The following DSCAM variants were observed in gnomAD, a reference collection of about 807,000 sequenced individuals.
The protein encoded by DSCAM is cell adhesion molecule DSCAM.
A neutral mutation model predicts 217.7 loss-of-function variants in DSCAM; 47 were observed. The observed-to-expected ratio is 0.22, with a 90% CI of 0.17 to 0.28. The LOEUF (loss-of-function observed/expected upper bound fraction) is 0.28, where lower values mean the gene tolerates loss of function less well. Ranked by LOEUF, DSCAM falls within the 10% of genes least tolerant of loss-of-function variation. The pLI is 1.00. For synonymous variants in DSCAM, 1,056 were observed against 1,015.3 expected, an observed-to-expected ratio of 1.04 and a Z score of -0.76; for missense variants, 2,080 against 2,618.3, an observed-to-expected ratio of 0.79 and a Z score of 4.49.
intron 7 of DSCAM, among the ~76,000 whole-genome samples, chr21:40,338,607 A>G (rs571677073): frequency 1.1e-3 from 166 of 152,358 alleles, no homozygotes; most frequent in African/African-American, 3.8e-3. Context: ...TTCTATGAAA[A>G]TGTTTTGAAT....
chr21:40,395,778 T>A (rs2075173428), intron 3 of DSCAM, among the ~76,000 whole-genome samples: 1 of 152,198 alleles, frequency 6.6e-6, no homozygotes, highest in Non-Finnish European at 1.5e-5. Context: ...TAAATTTATT[T>A]TCTATTTGGC....
At chr21:40,481,833 T>A (rs10854403) in intron 3 of DSCAM, among the ~76,000 whole-genome samples, 71,136 of 151,976 alleles carry the variant, frequency 0.47, 16,769 homozygotes, top group Admixed American at 0.49. Context: ...CAACCCGGAG[T>A]GGCAGACAGG....
At chr21:40,400,303 T>C (rs1471652519) in intron 3 of DSCAM, among the ~76,000 whole-genome samples, 1 of 152,106 alleles carries the variant, frequency 6.6e-6, no homozygotes, top group Non-Finnish European at 1.5e-5. Context: ...ATGAAAACAT[T>C]GTATTTTCCA....
chr21:40,554,824 G>A (rs555728739), intron 3 of DSCAM, among the ~76,000 whole-genome samples: 162 of 135,390 alleles, frequency 1.2e-3, no homozygotes, highest in Non-Finnish European at 2.0e-3. Context: ...TTGTTTTTAC[G>A]TTTTTGTAAC....
intron 3 of DSCAM, among the ~76,000 whole-genome samples, chr21:40,557,570 C>T (rs578052485): frequency 2.6e-5 from 4 of 152,202 alleles, no homozygotes; most frequent in Admixed American, 2.0e-4. Flanking sequence ...CTCCTGACCT[C>T]GTGATCTGCC....
intron 3 of DSCAM, among the ~76,000 whole-genome samples, chr21:40,511,649 T>C (rs898108878): frequency 1.7e-4 from 26 of 152,138 alleles, no homozygotes; most frequent in Non-Finnish European, 3.7e-4. Flanking sequence ...AGTAAAACAC[T>C]CTCTTTGCAC....
chr21:40,095,999 A>G (rs2089670868), intron 20 of DSCAM, among the ~76,000 whole-genome samples: 1 of 152,214 alleles, frequency 6.6e-6, no homozygotes, highest in Non-Finnish European at 1.5e-5. Context: ...AAGGTGTGGA[A>G]GGAAAATAAA....
intron 3 of DSCAM, among the ~76,000 whole-genome samples, chr21:40,487,334 A>T (rs919238774): frequency 9.3e-4 from 127 of 135,924 alleles, no homozygotes; most frequent in African/African-American, 3.3e-3. Flanking sequence ...TGTGAGAGAG[A>T]GAGAGAGAGA....
chr21:40,316,031 A>G (rs1420558872), intron 8 of DSCAM, among the ~76,000 whole-genome samples: 2 of 152,258 alleles, frequency 1.3e-5, no homozygotes, highest in Non-Finnish European at 2.9e-5. Context: ...TAATTAATAC[A>G]AAATCGTAAT....
At chr21:40,650,900 C>A (rs1053413939) in intron 3 of DSCAM, among the ~76,000 whole-genome samples, 2 of 152,098 alleles carry the variant, frequency 1.3e-5, no homozygotes, top group Non-Finnish European at 2.9e-5. Flanking sequence ...GGCGACAGAG[C>A]AAGACTCCAT....
intron 1 of DSCAM, among the ~76,000 whole-genome samples, chr21:40,723,329 T>A (rs934825929): frequency 1.1e-4 from 16 of 152,134 alleles, no homozygotes; most frequent in African/African-American, 3.9e-4. Context: ...CTGGAACACT[T>A]CACCCTCCTT....
chr21:40,814,041 G>C (rs1402382732), intron 1 of DSCAM, among the ~76,000 whole-genome samples: 1 of 152,164 alleles, frequency 6.6e-6, no homozygotes, highest in East Asian at 1.9e-4. Context: ...CAGTTTTCCA[G>C]TGGTCATCAA....
intron 11 of DSCAM, among the ~76,000 whole-genome samples, chr21:40,196,724 T>C (rs534543274): frequency 1.3e-5 from 2 of 152,118 alleles, no homozygotes; most frequent in Non-Finnish European, 1.5e-5. Flanking sequence ...TTTTTCTGTT[T>C]TCTCCTTCAC....
intron 3 of DSCAM, among the ~76,000 whole-genome samples, chr21:40,403,128 G>A (rs1027093197): frequency 6.6e-6 from 1 of 152,058 alleles, no homozygotes; most frequent in Non-Finnish European, 1.5e-5. Context: ...TGCTTAACAC[G>A]CTCAATGATG....
chr21:40,662,269 C>G (rs1446751277), intron 3 of DSCAM, among the ~76,000 whole-genome samples: 2 of 152,054 alleles, frequency 1.3e-5, no homozygotes, highest in Non-Finnish European at 1.5e-5. Context: ...CTTTTACCTT[C>G]AGTTCTCTAC....
At chr21:40,147,123 G>A (rs1304089803) in intron 16 of DSCAM, among the ~76,000 whole-genome samples, 4 of 152,070 alleles carry the variant, frequency 2.6e-5, no homozygotes, top group East Asian at 1.9e-4. Context: ...ACTGGCTCCC[G>A]GTGAGGCTTT....
chr21:40,594,163 A>T (rs2077003856), intron 3 of DSCAM, among the ~76,000 whole-genome samples: 1 of 152,192 alleles, frequency 6.6e-6, no homozygotes, highest in African/African-American at 2.4e-5. Flanking sequence ...CTCAAAACTT[A>T]TTGGGATAAA....
chr21:40,188,785 C>CTTTT lies in DSCAM; in HGVS notation c.2553+253_2553+256dup, dbSNP rs35605811. Among the ~76,000 whole-genome samples the CTTTT allele has an allele frequency of 9.3e-3, 1,323 of 141,506 alleles. 30 individuals carry two copies. The highest frequency in any genetic ancestry group is 0.032 in the African/African-American group (1,219 of 38,116). 92.8% of individuals were successfully genotyped at this position (141,506 alleles called of 152,430 possible). A position where few individuals can be genotyped will look rare whatever the true frequency, so the allele number is the denominator to read the frequency against. ...TGTCATTTAAAAACCTTATTTCTCA[C>CTTTT]TTTTTTTTTTTTTTTTTACTACATT... On this transcript the variant is annotated intron_variant, in intron 12 of 32. Transcript: ENST00000400454.
intron 3 of DSCAM, among the ~76,000 whole-genome samples, chr21:40,376,352 A>T (rs1189474276): frequency 6.6e-6 from 1 of 150,946 alleles, no homozygotes; most frequent in African/African-American, 2.4e-5. Context: ...AAACCACATG[A>T]TCCTCTTAGC....
Sources: gnomAD v4.1 joint callset for allele counts (sites outside exome capture counted in the v4.1 genomes callset) on GRCh38, gnomAD v4.1.1 for gene constraint, MANE v1.5 for transcripts, NCBI Gene and HGNC (gene_info 2026-07-23, HGNC 2026-07-21) for gene names.